Variants in RSF1 observed in about 807,000 individuals in gnomAD.
RSF1 encodes the protein remodeling and spacing factor 1.
A neutral mutation model predicts 145.2 loss-of-function variants in RSF1; 13 were observed. The observed-to-expected ratio is 0.09, with a 90% CI of 0.06 to 0.14. The LOEUF (loss-of-function observed/expected upper bound fraction) is 0.14, where lower values mean the gene tolerates loss of function less well. Among genes scored for constraint, RSF1 ranks in the 10% least tolerant of loss-of-function variants. The pLI is 1.00. For missense variants in RSF1, 1,517 were observed against 1,718.2 expected, an observed-to-expected ratio of 0.88 and a Z score of 2.07; for synonymous variants, 577 against 592.6, an observed-to-expected ratio of 0.97 and a Z score of 0.38.
At chr11:77,758,162 T>C (rs1454681304) in intron 2 of RSF1, among the ~76,000 whole-genome samples, 1 of 148,292 alleles carries the variant, frequency 6.7e-6, no homozygotes, top group Non-Finnish European at 1.5e-5. Context: ...AAAAAGAAGG[T>C]AGATTCAGAT....
In RSF1 at chr11:77,665,153, G is replaced by C. The variant is rs1959330191; in HGVS notation, c.*1764C>G. 6.6e-6 allele frequency: 1 copy of C among 152,174 alleles called. No individual in the cohort carries two copies. The highest frequency in any genetic ancestry group is 6.5e-5 in the Admixed American group (1 of 15,276). The allele number at this position is 152,174 out of a possible 1,614,324, so 9.4% of individuals were successfully genotyped here. A position where few individuals can be genotyped will look rare whatever the true frequency, so the allele number is the denominator to read the frequency against. ...GGCAATACCTGTTGAAGAAGGAAAA[G>C]GAGTATAAAGTTCCTAGAGAGGTAT... On this transcript the variant is annotated 3_prime_UTR_variant, in exon 16 of 16. Coordinates refer to ENST00000308488, the MANE Select transcript of RSF1 (RefSeq NM_016578.4).
chr11:77,730,576 T>G (rs1193735718), intron 4 of RSF1, among the ~76,000 whole-genome samples: 7 of 152,308 alleles, frequency 4.6e-5, no homozygotes, highest in African/African-American at 1.7e-4. Flanking sequence ...CAGTTTTTAT[T>G]ATGATAACCA....
At chr11:77,696,116 G>A (rs1426758403) in intron 7 of RSF1, among the ~76,000 whole-genome samples, 1 of 152,070 alleles carries the variant, frequency 6.6e-6, no homozygotes, top group Admixed American at 6.6e-5. Flanking sequence ...GACTAACCTG[G>A]CCACCTAATC....
chr11:77,717,548 G>A (rs745931014), intron 5 of RSF1, among the ~76,000 whole-genome samples: 2 of 152,156 alleles, frequency 1.3e-5, no homozygotes, highest in Non-Finnish European at 2.9e-5. Flanking sequence ...GTAGTTTTGC[G>A]AATCTGAATA....
chr11:77,666,863 C>G lies in RSF1; in HGVS notation c.*54G>C. The G allele has an allele frequency of 7.2e-7, 1 of 1,394,804 alleles. No individual in the cohort carries two copies. The highest frequency in any genetic ancestry group is 2.3e-5 in the Admixed American group (1 of 43,140). The allele number at this position is 1,394,804 out of a possible 1,614,324, so 86.4% of individuals were successfully genotyped here. A position where few individuals can be genotyped will look rare whatever the true frequency, so the allele number is the denominator to read the frequency against. On this transcript the variant is annotated 3_prime_UTR_variant, in exon 16 of 16. Transcript: ENST00000308488. ...ATTAAACAGCTTTTAATAACTGGCC[C>G]GCTGGTGTGAGAGCTACCGTGGAAT...
At chr11:77,806,529 T>G (rs534235425) in intron 1 of RSF1, among the ~76,000 whole-genome samples, 1 of 152,180 alleles carries the variant, frequency 6.6e-6, no homozygotes, top group East Asian at 1.9e-4. Flanking sequence ...GATTTTTTTT[T>G]TTTTAACTAG....
intron 7 of RSF1, among the ~76,000 whole-genome samples, chr11:77,698,023 A>T (rs950103629): frequency 6.6e-6 from 1 of 152,198 alleles, no homozygotes; most frequent in Non-Finnish European, 1.5e-5. Context: ...TTATCTATCC[A>T]GCCATCCATG....
At chr11:77,775,711 G>A (rs1466651128) in intron 1 of RSF1, among the ~76,000 whole-genome samples, 1 of 152,154 alleles carries the variant, frequency 6.6e-6, no homozygotes, top group Non-Finnish European at 1.5e-5. Context: ...GAGGAAGGAG[G>A]ATAGCTGGAA....
At chr11:77,785,993 A>G (rs143252413) in intron 1 of RSF1, among the ~76,000 whole-genome samples, 414 of 13,100 alleles carry the variant, frequency 0.032, 1 homozygote, top group Middle Eastern at 0.25. Flanking sequence ...ATGAACTATG[A>G]ACTCTAAAAA....
chr11:77,854,795 TG>T, the RSF1 span, among the ~76,000 whole-genome samples: 1 of 152,188 alleles, frequency 6.6e-6, no homozygotes, highest in East Asian at 1.9e-4. Flanking sequence ...ACTGTCCCAG[TG>T]GGGACTCTGT....
At chr11:77,724,495 A>G (rs1335058564) in intron 5 of RSF1, among the ~76,000 whole-genome samples, 2 of 152,338 alleles carry the variant, frequency 1.3e-5, no homozygotes, top group Non-Finnish European at 1.5e-5. Context: ...ATGAATTGAT[A>G]AACAAAATGT....
chr11:77,834,853 A>G, the RSF1 span, among the ~76,000 whole-genome samples: 1 of 152,192 alleles, frequency 6.6e-6, no homozygotes, highest in Non-Finnish European at 1.5e-5. Flanking sequence ...TTTAGTTTCA[A>G]ATCTCACCTT....
rs1181553436 is a variant in RSF1, at chr11:77,670,561, AGAGCT to A, written c.3751+1476_3751+1480del. On this transcript the variant is annotated intron_variant, in intron 15 of 15. Coordinates refer to ENST00000308488, the MANE Select transcript of RSF1 (RefSeq NM_016578.4). ...TCCCAACTAAAATAAGAGTTTCATA[AGAGCT>A]ATTTTGTTTGCTGTTATATTCCAGT... Among the ~76,000 whole-genome samples the A allele has an allele frequency of 3.9e-5, 6 of 152,280 alleles. No homozygotes were observed. In the East Asian group the frequency reaches 1.2e-3, roughly 29 times the overall value.
intron 5 of RSF1, among the ~76,000 whole-genome samples, chr11:77,720,454 G>A (rs986687549): frequency 3.9e-5 from 6 of 152,054 alleles, no homozygotes; most frequent in African/African-American, 1.2e-4. Flanking sequence ...TTATATGCAC[G>A]ATACCTTCCA....
At position 77,775,248 on chromosome 11, in the gene RSF1, C is replaced by CA. The variant is rs36109857; in HGVS notation, c.188-10560dup. On this transcript the variant is annotated intron_variant, in intron 1 of 15. Transcript: ENST00000308488. Reference sequence around the variant, plus strand: ...GGGGGACAACAGCGAGACTCCATCTCAAAAAAAAAAAAAACCCAAAACACA... The same window carrying CA: ...GGGGGACAACAGCGAGACTCCATCTCAAAAAAAAAAAAAAACCCAAAACACA... Among the ~76,000 whole-genome samples, 714 of 107,572 alleles carry CA rather than the reference C, an allele frequency of 6.6e-3. 2 individuals carry two copies. The highest frequency in any genetic ancestry group is 0.014 in the Middle Eastern group (3 of 214). 70.6% of individuals were successfully genotyped at this position (107,572 alleles called of 152,430 possible).
chr11:77,858,065 C>T, the RSF1 span, among the ~76,000 whole-genome samples: 1 of 152,036 alleles, frequency 6.6e-6, no homozygotes, highest in Non-Finnish European at 1.5e-5. Context: ...GTGACCCAGG[C>T]TGGAGTACAG....
In RSF1 at chr11:77,665,996, T is replaced by C. The variant is rs1228946577; in HGVS notation, c.*921A>G. Reference sequence around the variant, plus strand: ...ATATATAGATGTATTTTTTTCAAAATGATATTTCAGATATTTAAACATCAA... The same window carrying C: ...ATATATAGATGTATTTTTTTCAAAACGATATTTCAGATATTTAAACATCAA... On this transcript the variant is annotated 3_prime_UTR_variant, in exon 16 of 16. Coordinates refer to ENST00000308488, the MANE Select transcript of RSF1 (RefSeq NM_016578.4). The C allele has an allele frequency of 2.0e-5, 3 of 152,220 alleles. No homozygotes were observed. Among genetic ancestry groups the C allele is most frequent in the African/African-American group, 7.2e-5 (3 of 41,458 alleles). The allele number at this position is 152,220 out of a possible 1,614,324, so 9.4% of individuals were successfully genotyped here.
intron 6 of RSF1, among the ~76,000 whole-genome samples, chr11:77,699,568 G>C (rs1197588962): frequency 6.6e-6 from 1 of 152,098 alleles, no homozygotes; most frequent in African/African-American, 2.4e-5. Context: ...AAAATATTTT[G>C]CTTAAAATAA....
At chr11:77,747,206 C>T in intron 2 of RSF1, 78 bp from the exon 3 acceptor site, 1 of 842,842 alleles carries the variant, frequency 1.2e-6, no homozygotes, top group South Asian at 1.5e-5. Context: ...CTATGCTGTT[C>T]TTGTTAATAC....
Sources: allele counts gnomAD v4.1 joint callset (sites outside exome capture counted in the v4.1 genomes callset), GRCh38; gene constraint gnomAD v4.1.1; transcripts MANE v1.5; gene names NCBI Gene and HGNC (gene_info 2026-07-23, HGNC 2026-07-21).